Variants in CPLX2 observed in about 807,000 individuals in gnomAD.
CPLX2 encodes the protein complexin-2.
CPLX2 carries 5 observed loss-of-function variants against 16.3 expected under a neutral mutation model. The ratio of observed to expected loss-of-function variants is 0.31; its 90% CI spans 0.16 to 0.64. The LOEUF is 0.64. CPLX2 is among the 30% of genes least tolerant of loss of function. CPLX2 has a pLI of 0.79. For synonymous variants in CPLX2, 89 were observed against 73.2 expected (o/e 1.22, Z -1.10); for missense variants, 144 against 181.4 (o/e 0.79, Z 1.18).
At chr5:175,878,298 G>A in intron 1 of CPLX2, 1 of 177,028 alleles carries the variant, frequency 5.6e-6, no homozygotes. Context: ...CCTTGCTGAA[G>A]GTCCCATGGC....
chr5:175,858,524 C>T (rs1032271286), intron 2 of CPLX2, among the ~76,000 whole-genome samples: 4 of 152,184 alleles, frequency 2.6e-5, no homozygotes, highest in Admixed American at 6.5e-5. Context: ...ATGGCTCAGC[C>T]CCCGGGGGCC....
At chr5:175,808,111 C>T (rs1051700600) in intron 1 of CPLX2, among the ~76,000 whole-genome samples, 1 of 152,170 alleles carries the variant, frequency 6.6e-6, no homozygotes, top group East Asian at 1.9e-4. Flanking sequence ...CTTGGTGCCC[C>T]GCCCAGTGGG....
upstream of CPLX2, among the ~76,000 whole-genome samples, chr5:175,871,111 G>C (rs1759582119): frequency 6.6e-6 from 1 of 152,054 alleles, no homozygotes; most frequent in Non-Finnish European, 1.5e-5. Context: ...AGAAACCAAG[G>C]AGGGCTTTCC....
chr5:175,838,235 A>C (rs1038682511), intron 2 of CPLX2, among the ~76,000 whole-genome samples: 1 of 149,526 alleles, frequency 6.7e-6, no homozygotes, highest in Admixed American at 6.7e-5. Context: ...CATGGAGGGC[A>C]GCTGTAGCTA....
Position 175,845,079 on chromosome 5 carries a change from C to A in CPLX2, c.-88-33573C>A, listed in dbSNP as rs190400149. ...AGGCCCAGATGGTGACCCAAGAGAG[C>A]CTTCCGTGCCCATGGAAGCACTTGC... On this transcript the variant is annotated intron_variant, in intron 2 of 4. Coordinates refer to the CPLX2 transcript ENST00000359546. This position sits in a 1 kb window ranked among gnomAD's most constrained non-coding sequence, Gnocchi z 4.0. 6.6e-6 allele frequency among the ~76,000 whole-genome samples: 1 copy of A among 152,322 alleles called. No individual in the cohort carries two copies. Among genetic ancestry groups the A allele is most frequent in the East Asian group, 1.9e-4 (1 of 5,182 alleles).
At chr5:175,822,990 C>T (rs1193461820) in intron 2 of CPLX2, among the ~76,000 whole-genome samples, 9 of 152,256 alleles carry the variant, frequency 5.9e-5, no homozygotes, top group Non-Finnish European at 1.0e-4. Flanking sequence ...AGACAAGAAA[C>T]ACAGGGAAAG....
chr5:175,819,279 T>C (rs72823123), intron 2 of CPLX2, among the ~76,000 whole-genome samples: 141 of 152,302 alleles, frequency 9.3e-4, no homozygotes, highest in Non-Finnish European at 1.6e-3. Context: ...AGTTGCTGCA[T>C]CACACGAGAT....
intron 2 of CPLX2, among the ~76,000 whole-genome samples, chr5:175,824,947 A>C (rs1758584314): frequency 6.6e-6 from 1 of 152,152 alleles, no homozygotes; most frequent in South Asian, 2.1e-4. Flanking sequence ...GCCACTCACC[A>C]GTGTGTGAAT....
chr5:175,836,879 A>G (rs1409518569), intron 2 of CPLX2, among the ~76,000 whole-genome samples: 1 of 152,224 alleles, frequency 6.6e-6, no homozygotes, highest in Admixed American at 6.5e-5. Flanking sequence ...CACCCACTTT[A>G]CAGATAAAGA....
intron 2 of CPLX2, among the ~76,000 whole-genome samples, chr5:175,843,162 A>T (rs1758977036): frequency 6.6e-6 from 1 of 152,188 alleles, no homozygotes; most frequent in Non-Finnish European, 1.5e-5. Flanking sequence ...GTCCAGAGCC[A>T]GTCTCTGAGG....
At position 175,882,003 on chromosome 5, in the gene CPLX2, A is replaced by G. The variant is rs1755624083; in HGVS notation, c.*1958A>G. 1 of 152,642 alleles carries G rather than the reference A, an allele frequency of 6.6e-6. No homozygotes were observed. The highest frequency in any genetic ancestry group is 2.1e-4 in the South Asian group (1 of 4,828). 9.5% of individuals were successfully genotyped at this position (152,642 alleles called of 1,614,324 possible). ...TATCAGTTAGACTGCAATACTTTAA[A>G]CACGAGACAAAACAATCCATATGTT... is the stretch of plus-strand genomic sequence containing the variant. On this transcript the variant is annotated 3_prime_UTR_variant, in exon 4 of 4. Transcript: ENST00000393745.
At position 175,881,107 on chromosome 5, in the gene CPLX2, C is replaced by A. The variant is rs1161182568; in HGVS notation, c.*1062C>A. On this transcript the variant is annotated 3_prime_UTR_variant, in exon 4 of 4. Transcript: ENST00000393745. The stretch of plus-strand genomic sequence containing the variant: ...GGACGTCTGGGACTGGCATTTGTCC[C>A]CCACTCAAATTATCAAAGCTTTCTG... The A allele has an allele frequency of 1.3e-5, 2 of 153,080 alleles. No individual in the cohort carries two copies. Among genetic ancestry groups the A allele is most frequent in the Non-Finnish European group, 1.5e-5 (1 of 68,134 alleles). 9.5% of individuals were successfully genotyped at this position (153,080 alleles called of 1,614,324 possible).
chr5:175,882,024 A>G lies in CPLX2; in HGVS notation c.*1979A>G, dbSNP rs2113721985. The stretch of plus-strand genomic sequence containing the variant: ...TTAAACACGAGACAAAACAATCCAT[A>G]TGTTTAGGGAACCAGAAAAGTCCCC... On this transcript the variant is annotated 3_prime_UTR_variant, in exon 4 of 4. Coordinates refer to ENST00000393745, the MANE Select transcript of CPLX2 (RefSeq NM_001008220.2). 1 of 152,696 alleles carries G rather than the reference A, an allele frequency of 6.5e-6. No homozygotes were observed. Among genetic ancestry groups the G allele is most frequent in the African/African-American group, 2.4e-5 (1 of 41,550 alleles). The allele number at this position is 152,696 out of a possible 1,614,324, so 9.5% of individuals were successfully genotyped here.
At chr5:175,871,871 A>G (rs10052184) in intron 1 of CPLX2, 166 bp downstream of exon 1, 104,046 of 152,298 alleles carry the variant, frequency 0.68, 36,200 homozygotes, top group East Asian at 0.97. Flanking sequence ...AGAGGCGGTA[A>G]AGGGGACACT....
intron 2 of CPLX2, among the ~76,000 whole-genome samples, chr5:175,831,751 A>T (rs1169670769): frequency 6.6e-6 from 1 of 152,214 alleles, no homozygotes; most frequent in East Asian, 1.9e-4. Context: ...ATGACATGGG[A>T]TTAAACATGC....
intron 2 of CPLX2, among the ~76,000 whole-genome samples, chr5:175,863,112 G>A (rs1357292193): frequency 6.6e-6 from 1 of 152,226 alleles, no homozygotes; most frequent in Non-Finnish European, 1.5e-5. Flanking sequence ...GACTGGAAGT[G>A]CACAAAGGCC....
rs778854088 is a variant in CPLX2, at chr5:175,809,743, C to T, written c.-89+675C>T. On this transcript the variant is annotated intron_variant, in intron 2 of 4. Transcript: ENST00000359546. This position sits in a 1 kb window ranked among gnomAD's most constrained non-coding sequence, Gnocchi z 4.4. ...ACCCGGCATCCCTCATCCACATCGCCTCTTCCCCACCACCCACGACCAGTA... is the reference window on the plus strand; with the variant it reads ...ACCCGGCATCCCTCATCCACATCGCTTCTTCCCCACCACCCACGACCAGTA... Among the ~76,000 whole-genome samples, 19 of 152,146 alleles carry T rather than the reference C, an allele frequency of 1.2e-4. No individual in the cohort carries two copies. The South Asian group carries it at 1.5e-3, about 12-fold the overall frequency.
At chr5:175,842,461 C>G (rs1342845600) in intron 2 of CPLX2, among the ~76,000 whole-genome samples, 1 of 152,266 alleles carries the variant, frequency 6.6e-6, no homozygotes, top group South Asian at 2.1e-4. Flanking sequence ...CCACACTCTT[C>G]CCTGATGATC....
chr5:175,853,937 C>T (rs1165502445), intron 2 of CPLX2, among the ~76,000 whole-genome samples: 1 of 152,116 alleles, frequency 6.6e-6, no homozygotes, highest in Non-Finnish European at 1.5e-5. Context: ...CCCATGGCAC[C>T]CCATTCATGG....
Sources: allele counts gnomAD v4.1 joint callset (sites outside exome capture counted in the v4.1 genomes callset), GRCh38; gene constraint gnomAD v4.1.1; non-coding constraint Gnocchi (gnomAD v3.1); transcripts MANE v1.5; gene names NCBI Gene and HGNC (gene_info 2026-07-23, HGNC 2026-07-21).